NSUN6: variants seen among roughly 807,000 people sequenced by gnomAD.
NSUN6 encodes the protein NOP2/Sun RNA methyltransferase 6.
In NSUN6, 64 loss-of-function variants were observed where a neutral mutation model predicts 58.0. The ratio of observed to expected loss-of-function variants is 1.10; its 90% confidence interval spans 0.90 to 1.36. The LOEUF (loss-of-function observed/expected upper bound fraction) is 1.36, where lower values mean the gene tolerates loss of function less well. Ranked by LOEUF, NSUN6 falls within the 40% of genes most tolerant of loss-of-function variation. The pLI is 0.00. For missense variants in NSUN6, 701 were observed against 550.1 expected (o/e 1.27, Z -2.74); for synonymous variants, 231 against 193.9 (o/e 1.19, Z -1.59).
In NSUN6 at chr10:18,566,386, T is replaced by C. The variant is rs182837968; in HGVS notation, c.923-14415A>G. On this transcript the variant is annotated intron_variant, in intron 8 of 10. Transcript: ENST00000377304. Reference sequence around the variant, plus strand: ...ACTCCACATTCCATTCCATTCTCCATTCCATTCTCCATTCTTCTTCATTCT... The same window carrying C: ...ACTCCACATTCCATTCCATTCTCCACTCCATTCTCCATTCTTCTTCATTCT... Among the ~76,000 whole-genome samples, 8 of 150,600 alleles carry C rather than the reference T, an allele frequency of 5.3e-5. No homozygotes were observed. The East Asian group carries it at 1.4e-3, about 26-fold the overall frequency.
intron 8 of NSUN6, among the ~76,000 whole-genome samples, chr10:18,576,588 G>A (rs572764094): frequency 1.7e-4 from 26 of 152,284 alleles, no homozygotes; most frequent in African/African-American, 2.4e-4. Flanking sequence ...GCTACATCCC[G>A]AAGTTTGACA....
intron 3 of NSUN6, among the ~76,000 whole-genome samples, chr10:18,617,649 G>C (rs2058460556): frequency 6.6e-6 from 1 of 151,982 alleles, no homozygotes; most frequent in African/African-American, 2.4e-5. Context: ...TTCCAATCTT[G>C]AATGAGACGT....
chr10:18,651,863 GA>G, upstream of NSUN6: 1 of 985,438 alleles, frequency 1.0e-6, no homozygotes. Flanking sequence ...GGGCAATGGG[GA>G]AACAGCCAAA....
chr10:18,651,131 C>A lies in NSUN6; in HGVS notation c.73G>T (p.Glu25Ter). The A allele has an allele frequency of 6.4e-7, 1 of 1,572,586 alleles. No homozygotes were observed. The highest frequency in any genetic ancestry group is 8.6e-7 in the Non-Finnish European group (1 of 1,168,454). Residue 25 changes from glutamate (E) to a stop codon, truncating the protein, a stop_gained and splice_region_variant, in exon 1 of 11, where the codon GAG becomes TAG. Transcript: ENST00000377304. LOFTEE classifies it high-confidence loss of function. Reference protein sequence around the residue: ...NYLKEGFMNKEIVTALGKQEA... With the variant: ...NYLKEGFMNK ...ACTAACATCTTTACTTGACCTACCTCCTTATTCATAAAGCCTTCCTTAAGA... is the reference window on the plus strand; with the variant it reads ...ACTAACATCTTTACTTGACCTACCTACTTATTCATAAAGCCTTCCTTAAGA...
chr10:18,653,762 A>C (rs2059746883), upstream of NSUN6, among the ~76,000 whole-genome samples: 1 of 152,222 alleles, frequency 6.6e-6, no homozygotes. Flanking sequence ...ATCCAAGAAA[A>C]GCATATTACA....
At chr10:18,649,015 T>C (rs1029835916) in intron 1 of NSUN6, among the ~76,000 whole-genome samples, 3 of 152,234 alleles carry the variant, frequency 2.0e-5, no homozygotes, top group South Asian at 2.1e-4. Context: ...GCTAGCATTA[T>C]ATCCAAGTTA....
chr10:18,602,560 G>T (rs1308555082), intron 6 of NSUN6, among the ~76,000 whole-genome samples: 1 of 138,714 alleles, frequency 7.2e-6, no homozygotes, highest in Non-Finnish European at 1.6e-5. Context: ...AGTAGAGATG[G>T]TGTTTCACCA....
rs866116008 is a variant in NSUN6, at chr10:18,551,823, T to C, written c.1071A>G (p.Ala357=). ...YQPLQRKLFT[A]AVQLLKPEGV... ...TTCACAAAAACAGACCACCACATAC[T>C]GCAGTGAAGAGTTTTCGCTGTAATG... The change falls in exon 9 of 11, where the codon GCA becomes GCG. Residue 357 remains alanine (A), a splice_region_variant and synonymous_variant. Transcript: ENST00000377304. 2.5e-6 allele frequency: 4 copies of C among 1,611,656 alleles called. No homozygotes were observed. Among genetic ancestry groups the C allele is most frequent in the Non-Finnish European group, 3.4e-6 (4 of 1,178,868 alleles).
At chr10:18,610,837 G>T (rs553712211) in intron 5 of NSUN6, among the ~76,000 whole-genome samples, 3 of 152,280 alleles carry the variant, frequency 2.0e-5, no homozygotes, top group African/African-American at 7.2e-5. Context: ...GGAGAAACAT[G>T]GAGAAATTCA....
intron 8 of NSUN6, among the ~76,000 whole-genome samples, chr10:18,555,434 GAGAATGGAAC>G (rs1286259278): frequency 1.3e-5 from 2 of 151,296 alleles, no homozygotes; most frequent in Non-Finnish European, 3.0e-5. Context: ...GAATGCATTG[GAGAATGGAAC>G]AGAGTGGAAT....
upstream of NSUN6, chr10:18,652,881 A>G: frequency 1.0e-6 from 1 of 984,356 alleles, no homozygotes. Flanking sequence ...TTTAAAGAGT[A>G]AATCAAGGTT....
chr10:18,548,418 T>C (rs2054418130), intron 9 of NSUN6, among the ~76,000 whole-genome samples, 181 bp from the exon 10 acceptor site: 1 of 152,210 alleles, frequency 6.6e-6, no homozygotes, highest in African/African-American at 2.4e-5. Context: ...CTAGACTAGG[T>C]GCATTTCATT....
chr10:18,600,617 A>T (rs921617993), intron 6 of NSUN6, among the ~76,000 whole-genome samples: 10 of 151,738 alleles, frequency 6.6e-5, no homozygotes, highest in African/African-American at 2.4e-4. Flanking sequence ...AAGCCTCAAT[A>T]AAACAAAAAA....
chr10:18,600,970 A>ATATATG (rs2057809122), intron 6 of NSUN6, among the ~76,000 whole-genome samples: 1 of 113,282 alleles, frequency 8.8e-6, no homozygotes, highest in Admixed American at 1.0e-4. Flanking sequence ...ACATATATAT[A>ATATATG]TATATATGTA....
intron 2 of NSUN6, among the ~76,000 whole-genome samples, chr10:18,645,588 T>C (rs1474163557): frequency 6.6e-6 from 1 of 152,234 alleles, no homozygotes. Context: ...GCTGAAGGAT[T>C]CTACTGTATG....
intron 3 of NSUN6, among the ~76,000 whole-genome samples, chr10:18,633,846 C>T (rs1590152195): frequency 2.0e-5 from 3 of 152,198 alleles, no homozygotes; most frequent in South Asian, 2.1e-4. Context: ...TAACTAAGCA[C>T]AAATTAAACA....
chr10:18,553,883 C>A (rs1014375063), intron 8 of NSUN6, among the ~76,000 whole-genome samples: 2 of 137,488 alleles, frequency 1.5e-5, no homozygotes, highest in Non-Finnish European at 3.1e-5. Flanking sequence ...AACTGGAATG[C>A]AGAGTGGAAT....
chr10:18,560,981 T>TGGTATGGAGTGGAATGGAAAATGG (rs1238554849), intron 8 of NSUN6, among the ~76,000 whole-genome samples: 2 of 140,850 alleles, frequency 1.4e-5, no homozygotes, highest in African/African-American at 5.4e-5. Flanking sequence ...TGATGGAGAA[T>TGGTATGGAGTGGAATGGAAAATGG]GGTATGGAGT....
chr10:18,613,351 C>G lies in NSUN6; in HGVS notation c.575+1109G>C, dbSNP rs562716020. On this transcript the variant is annotated intron_variant, in intron 5 of 10. Transcript: ENST00000377304. ...ACCTCAAGTGATCCGCCCACCTTGG[C>G]CTCTCAAAGTGCTGGAATTACAGGA... 7.0e-4 allele frequency among the ~76,000 whole-genome samples: 107 copies of G among 152,232 alleles called. 2 individuals are homozygous for G. Among genetic ancestry groups the G allele is most frequent in the African/African-American group, 2.4e-3 (98 of 41,544 alleles).
Sources: gnomAD v4.1 joint callset for allele counts (sites outside exome capture counted in the v4.1 genomes callset) on GRCh38, gnomAD v4.1.1 for gene constraint, MANE v1.5 for transcripts, NCBI Gene and HGNC (gene_info 2026-07-23, HGNC 2026-07-21) for gene names.